FBXL20: variants seen among roughly 807,000 people sequenced by gnomAD.
FBXL20 encodes the protein F-box/LRR-repeat protein 20.
A neutral mutation model predicts 64.0 loss-of-function variants in FBXL20; 11 were observed. The ratio of observed to expected loss-of-function variants is 0.17; its 90% CI spans 0.11 to 0.28. FBXL20 has a LOEUF of 0.28. Ranked by LOEUF, FBXL20 falls within the 10% of genes least tolerant of loss-of-function variation. The pLI is 1.00. For missense variants in FBXL20, 303 were observed against 526.2 expected (o/e 0.58, Z 4.15); for synonymous variants, 184 against 189.0 (o/e 0.97, Z 0.22).
intron 1 of FBXL20, among the ~76,000 whole-genome samples, chr17:39,348,359 G>A (rs973089904): frequency 4.6e-5 from 7 of 152,090 alleles, no homozygotes; most frequent in Admixed American, 3.9e-4. Context: ...TACTTGGGAG[G>A]CTGAGGCAGG....
chr17:39,255,051 C>T lies in FBXL20; in HGVS notation c.*6409G>A, dbSNP rs1418756369. 1 of 152,166 alleles carries T rather than the reference C, an allele frequency of 6.6e-6. No individual in the cohort carries two copies. The highest frequency in any genetic ancestry group is 1.5e-5 in the Non-Finnish European group (1 of 68,044). The allele number at this position is 152,166 out of a possible 1,614,324, so 9.4% of individuals were successfully genotyped here. Reference sequence around the variant, plus strand: ...CCTGAAAATTAACTCTCTTGGGCTCCAAAGATCAACTCAGCTTCACCTAAG... The same window carrying T: ...CCTGAAAATTAACTCTCTTGGGCTCTAAAGATCAACTCAGCTTCACCTAAG... On this transcript the variant is annotated 3_prime_UTR_variant, in exon 15 of 15. Coordinates refer to ENST00000264658, the MANE Select transcript of FBXL20 (RefSeq NM_032875.3).
At chr17:39,343,427 C>T (rs1018566029) in intron 1 of FBXL20, among the ~76,000 whole-genome samples, 186 bp from the exon 2 acceptor site, 2 of 152,164 alleles carry the variant, frequency 1.3e-5, no homozygotes, top group African/African-American at 4.8e-5. Flanking sequence ...AATTCATTCC[C>T]TGTCTCCAAA....
intron 2 of FBXL20, among the ~76,000 whole-genome samples, chr17:39,322,543 T>C (rs2047366937): frequency 6.6e-6 from 1 of 152,136 alleles, no homozygotes; most frequent in African/African-American, 2.4e-5. Flanking sequence ...AAAAGTTAAG[T>C]GGATCGTTAT....
At chr17:39,364,771 G>T (rs118015568) in intron 1 of FBXL20, among the ~76,000 whole-genome samples, 1 of 152,168 alleles carries the variant, frequency 6.6e-6, no homozygotes, top group Non-Finnish European at 1.5e-5. Context: ...TGGAGAACAA[G>T]AACTGGCTGA....
intron 2 of FBXL20, among the ~76,000 whole-genome samples, chr17:39,330,145 A>G (rs1479675037): frequency 6.6e-6 from 1 of 150,528 alleles, no homozygotes; most frequent in Admixed American, 6.7e-5. Flanking sequence ...TACAAAACAA[A>G]TATTAGCCGG....
At chr17:39,313,257 G>A (rs1375941172) in intron 2 of FBXL20, among the ~76,000 whole-genome samples, 4 of 150,486 alleles carry the variant, frequency 2.7e-5, no homozygotes, top group African/African-American at 9.8e-5. Context: ...TTTCTGAGAT[G>A]GAGTCTCACT....
At chr17:39,265,274 G>A in intron 13 of FBXL20, 123 bp downstream of exon 13, 1 of 670,346 alleles carries the variant, frequency 1.5e-6, no homozygotes, top group East Asian at 2.8e-5. Flanking sequence ...CAGTAAGCTG[G>A]CAGTTTGAAG....
intron 2 of FBXL20, among the ~76,000 whole-genome samples, chr17:39,309,838 AAAG>A (rs776540817): frequency 1.1e-3 from 163 of 151,682 alleles, no homozygotes; most frequent in Middle Eastern, 0.01. Flanking sequence ...GAAAGAAAAA[AAAG>A]AAGAAGAACA....
At position 39,270,861 on chromosome 17, in the gene FBXL20, T is replaced by TAAAAAAAAAAAAAAAAAAAAA; in HGVS notation, c.828-6_828-5insTTTTTTTTTTTTTTTTTTTTT. The TAAAAAAAAAAAAAAAAAAAAA allele has an allele frequency of 7.4e-7, 1 of 1,355,348 alleles. No individual in the cohort carries two copies. The highest frequency in any genetic ancestry group is 1.5e-5 in the African/African-American group (1 of 66,250). 84.0% of individuals were successfully genotyped at this position (1,355,348 alleles called of 1,614,324 possible). The stretch of plus-strand genomic sequence containing the variant: ...CATCTTGCCACTTCCAATATTCTGT[T>TAAAAAAAAAAAAAAAAAAAAA]AAAAAAAAAAAAAAAACAGTGAAAG... On this transcript the variant is annotated splice_polypyrimidine_tract_variant and splice_region_variant and intron_variant, in intron 10 of 14. Transcript: ENST00000264658.
At chr17:39,295,870 T>G in intron 6 of FBXL20, among the ~76,000 whole-genome samples, 1 of 151,306 alleles carries the variant, frequency 6.6e-6, no homozygotes, top group Non-Finnish European at 1.5e-5. Flanking sequence ...TTTTCTTCAT[T>G]TAACAACATG....
intron 1 of FBXL20, 33 bp downstream of exon 1, chr17:39,401,325 CCCT>C: frequency 6.2e-7 from 1 of 1,612,338 alleles, no homozygotes; most frequent in Non-Finnish European, 8.5e-7. Flanking sequence ...GCGCGACCCG[CCCT>C]CCTCACGCCG....
intron 2 of FBXL20, among the ~76,000 whole-genome samples, chr17:39,318,689 G>A (rs1231559778): frequency 6.6e-6 from 1 of 152,202 alleles, no homozygotes; most frequent in South Asian, 2.1e-4. Flanking sequence ...TCAGTGAGCC[G>A]AGATCATGCC....
chr17:39,359,153 C>T (rs1007117652), intron 1 of FBXL20, among the ~76,000 whole-genome samples: 32 of 152,148 alleles, frequency 2.1e-4, no homozygotes, highest in African/African-American at 6.7e-4. Flanking sequence ...ACCAGCCTGG[C>T]CAACCCCATA....
chr17:39,324,058 C>T (rs1381166486), intron 2 of FBXL20, among the ~76,000 whole-genome samples: 5 of 125,588 alleles, frequency 4.0e-5, no homozygotes, highest in African/African-American at 6.8e-5. Flanking sequence ...GGATTAAAGG[C>T]GTGAGCCACC....
chr17:39,328,234 G>A lies in FBXL20; in HGVS notation c.104+14946C>T, dbSNP rs1203627006. 9.9e-5 allele frequency among the ~76,000 whole-genome samples: 11 copies of A among 111,504 alleles called. No individual in the cohort carries two copies. The Admixed American group carries it at 1.1e-3, about 11-fold the overall frequency. The allele number at this position is 111,504 out of a possible 152,430, so 73.2% of individuals were successfully genotyped here. On this transcript the variant is annotated intron_variant, in intron 2 of 14. Coordinates refer to ENST00000264658, the MANE Select transcript of FBXL20 (RefSeq NM_032875.3). ...ACTGCACTCCAGCCTGGGCAACAGA[G>A]CGAAACTCTGCCTCAAAAAAAAAAA...
chr17:39,299,370 C>T (rs547576127), intron 4 of FBXL20, among the ~76,000 whole-genome samples: 1 of 152,260 alleles, frequency 6.6e-6, no homozygotes, highest in African/African-American at 2.4e-5. Context: ...TATATACTGC[C>T]TAGCTGGGTT....
At chr17:39,371,518 C>T (rs2047918423) in intron 1 of FBXL20, among the ~76,000 whole-genome samples, 1 of 152,118 alleles carries the variant, frequency 6.6e-6, no homozygotes, top group Admixed American at 6.6e-5. Context: ...AGACTTCTCA[C>T]TTAATTGGCT....
chr17:39,331,242 AG>A (rs1441308502), intron 2 of FBXL20, among the ~76,000 whole-genome samples: 3 of 152,138 alleles, frequency 2.0e-5, no homozygotes, highest in Non-Finnish European at 4.4e-5. Context: ...CTGGGATTAC[AG>A]GTGTGTGCCA....
intron 11 of FBXL20, among the ~76,000 whole-genome samples, chr17:39,269,651 A>G (rs2046825258): frequency 6.6e-6 from 1 of 152,104 alleles, no homozygotes; most frequent in South Asian, 2.1e-4. Flanking sequence ...GGCATGCGCC[A>G]CCATCACCGG....
Sources: allele counts gnomAD v4.1 joint callset (sites outside exome capture counted in the v4.1 genomes callset), GRCh38; gene constraint gnomAD v4.1.1; transcripts MANE v1.5; gene names NCBI Gene and HGNC (gene_info 2026-07-23, HGNC 2026-07-21).